Variants in COP1 observed in about 807,000 individuals in gnomAD.
The protein encoded by COP1 is E3 ubiquitin-protein ligase COP1.
Under a neutral mutation model 101.3 loss-of-function variants are expected in COP1, and 24 were observed. The observed-to-expected ratio is 0.24, with a 90% CI of 0.17 to 0.33. The LOEUF (loss-of-function observed/expected upper bound fraction) is 0.33, where lower values mean the gene tolerates loss of function less well. COP1 is among the 10% of genes least tolerant of loss of function. The pLI is 1.00. For synonymous variants in COP1, 347 were observed against 341.9 expected, an observed-to-expected ratio of 1.01 and a Z score of -0.17; for missense variants, 663 against 906.2, an observed-to-expected ratio of 0.73 and a Z score of 3.45.
intron 9 of COP1, among the ~76,000 whole-genome samples, chr1:176,108,033 ATTT>A (rs66995652): frequency 6.7e-6 from 1 of 148,514 alleles, no homozygotes. Flanking sequence ...CCTGGACCAG[ATTT>A]TTTTTTTTTT....
chr1:176,041,596 G>A (rs913989222), intron 14 of COP1, among the ~76,000 whole-genome samples: 5 of 151,734 alleles, frequency 3.3e-5, no homozygotes, highest in Admixed American at 2.6e-4. Flanking sequence ...TGATCCACCC[G>A]CCTCAATCTC....
chr1:176,167,024 C>T (rs1338382281), intron 3 of COP1, among the ~76,000 whole-genome samples: 1 of 152,186 alleles, frequency 6.6e-6, no homozygotes, highest in African/African-American at 2.4e-5. Flanking sequence ...ATTTAGTACA[C>T]TCAGCTTAAG....
At chr1:175,980,263 G>C (rs1180405608) in intron 18 of COP1, among the ~76,000 whole-genome samples, 1 of 121,024 alleles carries the variant, frequency 8.3e-6, no homozygotes, top group African/African-American at 2.9e-5. Flanking sequence ...GAGTCTGGAG[G>C]TTACATGAAC....
At chr1:176,033,831 T>G (rs1473310705) in intron 14 of COP1, among the ~76,000 whole-genome samples, 1 of 152,184 alleles carries the variant, frequency 6.6e-6, no homozygotes, top group Non-Finnish European at 1.5e-5. Flanking sequence ...CAGTTAAACA[T>G]TTACTAAATA....
chr1:176,111,903 C>T (rs1182011179), intron 9 of COP1, among the ~76,000 whole-genome samples: 5 of 152,138 alleles, frequency 3.3e-5, no homozygotes, highest in Admixed American at 2.0e-4. Flanking sequence ...CATCTCAACA[C>T]TAGTAGGGTT....
chr1:176,188,786 C>T (rs1698775369), intron 1 of COP1, among the ~76,000 whole-genome samples: 1 of 151,702 alleles, frequency 6.6e-6, no homozygotes, highest in South Asian at 2.1e-4. Context: ...CCCCTCTCTT[C>T]CTCTCCTCAG....
At chr1:176,188,380 T>C (rs1698725467) in intron 1 of COP1, among the ~76,000 whole-genome samples, 1 of 152,122 alleles carries the variant, frequency 6.6e-6, no homozygotes, top group Non-Finnish European at 1.5e-5. Flanking sequence ...GAAATACCAT[T>C]AATTCTTTCC....
chr1:176,055,214 A>G (rs1376679834), intron 11 of COP1, among the ~76,000 whole-genome samples: 1 of 152,226 alleles, frequency 6.6e-6, no homozygotes, highest in African/African-American at 2.4e-5. Context: ...CAGGTGGATA[A>G]CCTGAGGTCA....
intron 18 of COP1, among the ~76,000 whole-genome samples, chr1:175,956,634 A>G (rs1188685575): frequency 6.6e-6 from 1 of 152,222 alleles, no homozygotes. Flanking sequence ...TGATTTTAGG[A>G]TGCTGGCAGG....
intron 8 of COP1, among the ~76,000 whole-genome samples, chr1:176,131,398 G>A (rs1475524038): frequency 6.6e-6 from 1 of 151,754 alleles, no homozygotes; most frequent in East Asian, 1.9e-4. Flanking sequence ...GGGAAAGGGA[G>A]AGAATACCAT....
intron 11 of COP1, among the ~76,000 whole-genome samples, chr1:176,076,003 CAA>C (rs60998287): frequency 1.0e-5 from 1 of 96,540 alleles, no homozygotes; most frequent in Non-Finnish European, 1.9e-5. Flanking sequence ...AACTCCATCT[CAA>C]AAAAAAAAAA....
At position 176,207,036 on chromosome 1, in the gene COP1, T is replaced by TCCGCCGCCTCCCCTCC; in HGVS notation, c.-74_-59dup. On this transcript the variant is annotated 5_prime_UTR_variant, in exon 1 of 20. Transcript: ENST00000367669. ...AGGAGAGGGACCGCGACCTCGACCCTCCGCCGCCTCCCCTCCCCTCAGCCT... is the reference window on the plus strand; with the variant it reads ...AGGAGAGGGACCGCGACCTCGACCCTCCGCCGCCTCCCCTCCCCGCCGCCTCCCCTCCCCTCAGCCT... The TCCGCCGCCTCCCCTCC allele has an allele frequency of 1.5e-6, 2 of 1,293,188 alleles. No individual in the cohort carries two copies. Among genetic ancestry groups the TCCGCCGCCTCCCCTCC allele is most frequent in the Non-Finnish European group, 2.0e-6 (2 of 1,010,368 alleles). The allele number at this position is 1,293,188 out of a possible 1,614,324, so 80.1% of individuals were successfully genotyped here.
At chr1:176,022,014 ACTGAAATT>A (rs1666838706) in intron 15 of COP1, among the ~76,000 whole-genome samples, 1 of 152,212 alleles carries the variant, frequency 6.6e-6, no homozygotes, top group Non-Finnish European at 1.5e-5. Flanking sequence ...CTCCTAAGAT[ACTGAAATT>A]TGAATTATCT....
At chr1:176,027,766 G>T in intron 14 of COP1, 78 bp from the exon 15 acceptor site, 1 of 836,288 alleles carries the variant, frequency 1.2e-6, no homozygotes. Context: ...TGGGAAAGTT[G>T]GCTTATTGCT....
chr1:176,203,971 T>C (rs1313050550), intron 1 of COP1, among the ~76,000 whole-genome samples: 1 of 152,188 alleles, frequency 6.6e-6, no homozygotes, highest in Non-Finnish European at 1.5e-5. Flanking sequence ...TCTTGGGATG[T>C]GGGCAGGTAA....
At position 175,988,982 on chromosome 1, in the gene COP1, CAT is replaced by C. The variant is rs558106185; in HGVS notation, c.1847+378_1847+379del. 156 of 165,008 alleles carry C rather than the reference CAT, an allele frequency of 9.5e-4. No individual in the cohort carries two copies. In the Middle Eastern group the frequency reaches 0.024, roughly 25 times the overall value. The allele number at this position is 165,008 out of a possible 1,614,324, so 10.2% of individuals were successfully genotyped here. On this transcript the variant is annotated intron_variant, in intron 16 of 19. Coordinates refer to ENST00000367669, the MANE Select transcript of COP1 (RefSeq NM_022457.7). ...CAAGTAGATAAAATACACAGTAACA[CAT>C]GAGTTGACTTTAATAAATAAAATAC...
chr1:176,160,018 A>G (rs777254917), intron 5 of COP1, among the ~76,000 whole-genome samples: 3 of 152,178 alleles, frequency 2.0e-5, no homozygotes, highest in Admixed American at 6.5e-5. Flanking sequence ...ATGAAAAGTA[A>G]AACAGAAAGC....
intron 18 of COP1, among the ~76,000 whole-genome samples, chr1:175,956,431 A>C (rs1441563513): frequency 6.6e-6 from 1 of 152,164 alleles, no homozygotes; most frequent in African/African-American, 2.4e-5. Flanking sequence ...CAAGAAAAAA[A>C]ATCAGAGAAA....
chr1:175,975,975 A>C (rs1654427579), intron 18 of COP1, among the ~76,000 whole-genome samples: 1 of 152,194 alleles, frequency 6.6e-6, no homozygotes, highest in African/African-American at 2.4e-5. Context: ...TTGTTTTGCT[A>C]TCAATGACAT....
Sources: allele counts gnomAD v4.1 joint callset (sites outside exome capture counted in the v4.1 genomes callset), GRCh38; gene constraint gnomAD v4.1.1; transcripts MANE v1.5; gene names NCBI Gene and HGNC (gene_info 2026-07-23, HGNC 2026-07-21).